DMD: variants seen among roughly 807,000 people sequenced by gnomAD.
DMD encodes the protein mutant dystrophin.
A neutral mutation model predicts 330.1 loss-of-function variants in DMD; 63 were observed. The ratio of observed to expected loss-of-function variants is 0.19; its 90% CI spans 0.16 to 0.24. The LOEUF (loss-of-function observed/expected upper bound fraction) is 0.24. DMD is among the 10% of genes least tolerant of loss of function. The probability of loss-of-function intolerance (pLI) is 1.00; values close to 1 mark genes in which losing one functional copy is unlikely to be tolerated. For synonymous variants in DMD, 1,223 were observed against 959.8 expected (o/e 1.27, Z -5.07); for missense variants, 3,344 against 2,684.1 (o/e 1.25, Z -5.43).
At chrX:31,222,392 C>CAAAAAAAAA (rs57227723) in intron 64 of DMD, among the ~76,000 whole-genome samples, 6 of 20,611 alleles carry the variant, frequency 2.9e-4, no homozygotes, top group South Asian at 8.5e-3. Flanking sequence ...GACTCCATCT[C>CAAAAAAAAA]AAAAAAAAAA....
At chrX:32,215,542 G>A (rs775411232) in intron 44 of DMD, among the ~76,000 whole-genome samples, 51 of 111,155 alleles carry the variant, frequency 4.6e-4, no homozygotes, top group South Asian at 2.6e-3. Flanking sequence ...GTAGAATGGA[G>A]GTACTTTTAC....
At chrX:32,006,219 A>T (rs2032161163) in intron 44 of DMD, among the ~76,000 whole-genome samples, 1 of 111,139 alleles carries the variant, frequency 9.0e-6, no homozygotes, top group African/African-American at 3.3e-5. Context: ...CACATGAAAG[A>T]CTCTTTTTCT....
At chrX:31,153,221 T>G (rs1453378339) in intron 74 of DMD, among the ~76,000 whole-genome samples, 1 of 111,961 alleles carries the variant, frequency 8.9e-6, no homozygotes, top group Non-Finnish European at 1.9e-5. Flanking sequence ...ACTGCGAATC[T>G]TTGCCTCTTC....
intron 44 of DMD, among the ~76,000 whole-genome samples, chrX:32,126,854 G>A (rs1210226047): frequency 8.9e-6 from 1 of 111,733 alleles, no homozygotes; most frequent in African/African-American, 3.3e-5. Flanking sequence ...CAGTAGACAC[G>A]TTTTATATAC....
chrX:31,291,849 A>G (rs981526104), intron 62 of DMD, among the ~76,000 whole-genome samples: 3 of 111,277 alleles, frequency 2.7e-5, no homozygotes, highest in Non-Finnish European at 5.6e-5. Flanking sequence ...TCTAAAGGAA[A>G]TACTATCAAA....
At chrX:31,514,997 C>T (rs774677240) in intron 55 of DMD, among the ~76,000 whole-genome samples, 7 of 110,150 alleles carry the variant, frequency 6.4e-5, no homozygotes, top group South Asian at 3.9e-4. Context: ...AGGAAGCCAC[C>T]GAGAATAAAA....
At chrX:31,363,402 G>C (rs1240687304) in intron 60 of DMD, among the ~76,000 whole-genome samples, 110 of 58,237 alleles carry the variant, frequency 1.9e-3, no homozygotes, top group African/African-American at 8.7e-3. Context: ...TTTTTTTTGA[G>C]ACAGAGTCTT....
intron 30 of DMD, among the ~76,000 whole-genome samples, chrX:32,394,916 C>CAAAACAAAACAAA (rs2098030291): frequency 1.3e-3 from 49 of 39,046 alleles, no homozygotes; most frequent in African/African-American, 3.5e-3. Flanking sequence ...AACAAAAAAA[C>CAAAACAAAACAAA]AAAAAAAAAA....
At position 31,627,721 on chromosome X, in the gene DMD, C is replaced by T. The variant is rs1569139778; in HGVS notation, c.8169G>A (p.Arg2723=). The change falls in exon 55 of 79, where the codon AGG becomes AGA. Residue 2723 remains arginine (R), a synonymous_variant. Transcript: ENST00000357033. ...TTACTCCCTTGGAGTCTTCTAGGAG[C>T]CTTTCCTTACGGGTAGCATCCTGTA... ...NVLQDATRKE[R]LLEDSKGVKE... 14 of 1,209,640 alleles carry T rather than the reference C, an allele frequency of 1.2e-5. No individual in the cohort carries two copies. Among genetic ancestry groups the T allele is most frequent in the African/African-American group, 3.5e-5 (2 of 57,150 alleles).
chrX:31,937,343 C>T (rs766778311), intron 45 of DMD, among the ~76,000 whole-genome samples: 1 of 111,548 alleles, frequency 9.0e-6, no homozygotes, highest in Non-Finnish European at 1.9e-5. Context: ...TAAGAACTCT[C>T]AGAATAAATC....
intron 55 of DMD, among the ~76,000 whole-genome samples, chrX:31,624,287 C>T (rs1036795106): frequency 5.4e-5 from 6 of 111,420 alleles, no homozygotes; most frequent in East Asian, 2.8e-4. Flanking sequence ...ACAAGGACGA[C>T]GGTAAAGTTC....
At chrX:32,232,265 G>C (rs1294716714) in intron 43 of DMD, among the ~76,000 whole-genome samples, 5 of 111,987 alleles carry the variant, frequency 4.5e-5, no homozygotes, top group Non-Finnish European at 9.4e-5. Flanking sequence ...TAAAAATAGA[G>C]ATACAGTAAT....
chrX:31,228,702 C>T lies in DMD; in HGVS notation c.9287-5581G>A, dbSNP rs757705550. Among the ~76,000 whole-genome samples the T allele has an allele frequency of 8.0e-5, 9 of 111,858 alleles. No homozygotes were observed. The East Asian group carries it at 2.5e-3, about 31-fold the overall frequency. ...CCACTTTCCCTGGGAGCTGACTTTC[C>T]AGGACTCTGATCCAAGTTGTAATGA... On this transcript the variant is annotated intron_variant, in intron 63 of 78. Coordinates refer to ENST00000357033, the MANE Select transcript of DMD (RefSeq NM_004006.3).
At chrX:32,026,910 G>A (rs922802282) in intron 44 of DMD, among the ~76,000 whole-genome samples, 1 of 110,934 alleles carries the variant, frequency 9.0e-6, no homozygotes, top group East Asian at 2.8e-4. Context: ...TAGCAAATGG[G>A]AAGTAAGAAG....
At chrX:32,873,061 G>A (rs1206491911) in intron 2 of DMD, among the ~76,000 whole-genome samples, 1 of 111,310 alleles carries the variant, frequency 9.0e-6, no homozygotes, top group East Asian at 2.8e-4. Context: ...TGTTAGTCCT[G>A]ATTTTACCCA....
intron 60 of DMD, among the ~76,000 whole-genome samples, chrX:31,366,976 C>T (rs1306442341): frequency 9.0e-6 from 1 of 111,268 alleles, no homozygotes; most frequent in Admixed American, 9.6e-5. Flanking sequence ...CTGTCTTCAG[C>T]ATGATGTCTT....
intron 60 of DMD, among the ~76,000 whole-genome samples, chrX:31,404,304 T>A (rs1308983204): frequency 8.9e-6 from 1 of 111,891 alleles, no homozygotes; most frequent in Non-Finnish European, 1.9e-5. Context: ...CCAGACTTTC[T>A]GTGTTTTGTA....
At chrX:31,248,143 G>T (rs887379191) in intron 63 of DMD, among the ~76,000 whole-genome samples, 1 of 112,085 alleles carries the variant, frequency 8.9e-6, no homozygotes, top group Non-Finnish European at 1.9e-5. Flanking sequence ...TTTAAATTAA[G>T]GTATGTACAT....
chrX:32,004,966 G>A lies in DMD; in HGVS notation c.6439-36452C>T, dbSNP rs1304561321. ...ATCTCTCATGCCTGCAAGTCAGCTC[G>A]TTTTTCTTTGCTGAAGACTGCACCC... On this transcript the variant is annotated intron_variant, in intron 44 of 78. Transcript: ENST00000357033. Among the ~76,000 whole-genome samples the A allele has an allele frequency of 2.3e-4, 26 of 111,175 alleles. No individual in the cohort carries two copies. The Admixed American group carries it at 2.5e-3, about 11-fold the overall frequency.
Sources: allele counts gnomAD v4.1 joint callset (sites outside exome capture counted in the v4.1 genomes callset), GRCh38; gene constraint gnomAD v4.1.1; transcripts MANE v1.5; gene names NCBI Gene and HGNC (gene_info 2026-07-23, HGNC 2026-07-21).